NEK3: variants seen among roughly 807,000 people sequenced by gnomAD.
NEK3 encodes NIMA related kinase 3.
NEK3 carries 54 observed loss-of-function variants against 66.0 expected under a neutral mutation model. That is an observed-to-expected ratio of 0.82 (90% CI 0.66 to 1.03). The LOEUF (loss-of-function observed/expected upper bound fraction) is 1.03, where lower values mean the gene tolerates loss of function less well. Ranked by LOEUF, NEK3 falls within the 50% of genes least tolerant of loss-of-function variation. The pLI, the probability that NEK3 is intolerant of heterozygous loss-of-function variation, is 0.00. For synonymous variants in NEK3, 200 were observed against 206.2 expected, an observed-to-expected ratio of 0.97 and a Z score of 0.26; for missense variants, 593 against 603.0, an observed-to-expected ratio of 0.98 and a Z score of 0.17.
At chr13:52,156,485 C>T in intron 1 of NEK3, 1 of 250,594 alleles carries the variant, frequency 4.0e-6, no homozygotes, top group Non-Finnish European at 7.8e-6. Flanking sequence ...TTCCTATGTA[C>T]AGGTAATAAA....
chr13:52,133,875 G>A, intron 14 of NEK3, 60 bp from the exon 15 acceptor site: 1 of 1,514,514 alleles, frequency 6.6e-7, no homozygotes, highest in Non-Finnish European at 8.9e-7. Flanking sequence ...ATTTCATGCA[G>A]TTTGATTAAA....
intron 10 of NEK3, among the ~76,000 whole-genome samples, chr13:52,143,060 T>C (rs558391908): frequency 6.6e-6 from 1 of 152,314 alleles, no homozygotes; most frequent in East Asian, 1.9e-4. Flanking sequence ...TAAGAGCAGA[T>C]CCACCCAGCA....
At chr13:52,133,295 C>T (rs549249753) in intron 15 of NEK3, 69 bp from the exon 16 acceptor site, 3 of 1,210,550 alleles carry the variant, frequency 2.5e-6, no homozygotes, top group East Asian at 2.5e-5. Flanking sequence ...GAGTTCAAAG[C>T]GGAATACCAC....
intron 7 of NEK3, among the ~76,000 whole-genome samples, chr13:52,150,083 TC>T (rs957354543): frequency 3.1e-4 from 47 of 152,290 alleles, no homozygotes; most frequent in African/African-American, 1.1e-3. Context: ...AGCTGTTTTG[TC>T]CCCATTCAGT....
intron 5 of NEK3, among the ~76,000 whole-genome samples, chr13:52,151,656 C>T (rs1174027600): frequency 1.3e-5 from 2 of 152,226 alleles, no homozygotes; most frequent in Non-Finnish European, 2.9e-5. Context: ...GAACCTGTGT[C>T]AGGGTGATGC....
At chr13:52,153,868 G>T in intron 4 of NEK3, 27 bp downstream of exon 4, 2 of 1,513,840 alleles carry the variant, frequency 1.3e-6, no homozygotes, top group South Asian at 1.1e-5. Flanking sequence ...TAAACCTTGA[G>T]AGAAACTATG....
At chr13:52,143,888 C>A in intron 10 of NEK3, 27 bp downstream of exon 10, 1 of 1,233,914 alleles carries the variant, frequency 8.1e-7, no homozygotes, top group Admixed American at 2.3e-5. Context: ...GAGCACTTAA[C>A]AAAAAATACT....
At chr13:52,146,380 T>G (rs1594026613) in intron 8 of NEK3, among the ~76,000 whole-genome samples, 1 of 152,336 alleles carries the variant, frequency 6.6e-6, no homozygotes, top group East Asian at 1.9e-4. Context: ...GCTTTGCCTC[T>G]GGCTTTTTAA....
At chr13:52,146,932 C>T (rs4941727) in intron 8 of NEK3, among the ~76,000 whole-genome samples, 80,292 of 152,022 alleles carry the variant, frequency 0.53, 23,206 homozygotes, top group Middle Eastern at 0.66. Context: ...AAAAGCTAAC[C>T]TTCAGCCTGT....
At chr13:52,136,761 C>G (rs1255481580) in intron 12 of NEK3, 39 bp downstream of exon 12, 3 of 1,367,534 alleles carry the variant, frequency 2.2e-6, no homozygotes, top group Non-Finnish European at 3.0e-6. Context: ...TATTCCCCAA[C>G]TCCTCACCTA....
At position 52,151,516 on chromosome 13, in the gene NEK3, A is replaced by G. The variant is rs1956346408; in HGVS notation, c.394-124T>C. 5.0e-6 allele frequency: 4 copies of G among 806,862 alleles called. No individual in the cohort carries two copies. In the Admixed American group the frequency reaches 9.3e-5, roughly 19 times the overall value. 50.0% of individuals were successfully genotyped at this position (806,862 alleles called of 1,614,324 possible). ...AGAAATGCTGACAGCTGAGTCCCAG[A>G]GTGGAACACAAAACACCAAGATCCC... On this transcript the variant is annotated intron_variant, in intron 5 of 15. Coordinates refer to ENST00000610828, the MANE Select transcript of NEK3 (RefSeq NM_002498.3).
rs752040789 is a variant in NEK3 at position 52,154,106 on chromosome 13, A to G, written c.185T>C (p.Ile62Thr). 8 of 1,612,250 alleles carry G rather than the reference A, an allele frequency of 5.0e-6. No homozygotes were observed. The highest frequency in any genetic ancestry group is 1.1e-5 in the South Asian group (1 of 90,884). Residue 62 changes from isoleucine to threonine, a missense_variant, in exon 3 of 16, where the codon ATT becomes ACT. Transcript: ENST00000610828. ...TTCAAATGATTCTTTGAAGGCAACA[A>G]TATTAGGGTGTTTCATTTTGGCTAA... Reference protein sequence around the residue: ...VLLAKMKHPNIVAFKESFEAE... With the variant: ...VLLAKMKHPNTVAFKESFEAE...
rs115251337 is a variant in NEK3 at position 52,137,971 on chromosome 13, G to A, written c.928-1069C>T. 7.0e-3 allele frequency among the ~76,000 whole-genome samples: 1,072 copies of A among 152,300 alleles called. 7 individuals are homozygous for A. Among genetic ancestry groups the A allele is most frequent in the African/African-American group, 0.021 (893 of 41,554 alleles). ...ACTACAGGTGGTATCAAACTATAGC[G>A]TGTGGGCACAGATCATCTGCAAAGG... On this transcript the variant is annotated intron_variant, in intron 11 of 15. Coordinates refer to ENST00000610828, the MANE Select transcript of NEK3 (RefSeq NM_002498.3).
chr13:52,153,351 C>T (rs1956362875), intron 4 of NEK3, among the ~76,000 whole-genome samples: 1 of 151,956 alleles, frequency 6.6e-6, no homozygotes, highest in African/African-American at 2.4e-5. Flanking sequence ...CATGCTATAA[C>T]CTAGATCAAA....
chr13:52,136,295 G>T, intron 12 of NEK3, 36 bp from the exon 13 acceptor site: 1 of 1,607,026 alleles, frequency 6.2e-7, no homozygotes, highest in Non-Finnish European at 8.5e-7. Context: ...TGCCAAGCAT[G>T]TGAAATTATG....
At position 52,133,646 on chromosome 13, in the gene NEK3, C is replaced by CACACAA. The variant is rs56222741; in HGVS notation, c.1436+42_1436+43insTTGTGT. 2.1e-5 allele frequency: 32 copies of CACACAA among 1,538,454 alleles called. No individual in the cohort carries two copies. In the South Asian group the frequency reaches 3.7e-4, roughly 18 times the overall value. ...ACACACACACACACACACACACACA[C>CACACAA]CCCCAACCCCAGCTACAGCTTTCTA... is the stretch of plus-strand genomic sequence containing the variant. On this transcript the variant is annotated intron_variant, in intron 15 of 15. Coordinates refer to ENST00000610828, the MANE Select transcript of NEK3 (RefSeq NM_002498.3).
intron 5 of NEK3, among the ~76,000 whole-genome samples, chr13:52,151,888 T>C (rs1282210064): frequency 1.3e-5 from 2 of 152,228 alleles, no homozygotes; most frequent in Non-Finnish European, 2.9e-5. Context: ...CTACTTACCA[T>C]TGTATTCCAA....
intron 10 of NEK3, among the ~76,000 whole-genome samples, chr13:52,141,619 T>G (rs1956250705): frequency 6.6e-6 from 1 of 152,182 alleles, no homozygotes; most frequent in Non-Finnish European, 1.5e-5. Flanking sequence ...ACATGGATGA[T>G]GATGCACTGA....
At chr13:52,145,595 G>T (rs1956288850) in intron 8 of NEK3, among the ~76,000 whole-genome samples, 1 of 152,176 alleles carries the variant, frequency 6.6e-6, no homozygotes, top group South Asian at 2.1e-4. Context: ...TTACACGCAT[G>T]AGGCACTGCA....
Sources: allele counts gnomAD v4.1 joint callset (sites outside exome capture counted in the v4.1 genomes callset), GRCh38; gene constraint gnomAD v4.1.1; transcripts MANE v1.5; gene names NCBI Gene and HGNC (gene_info 2026-07-23, HGNC 2026-07-21).